Variants in PATJ observed in about 807,000 individuals in gnomAD.
PATJ encodes PATJ crumbs cell polarity complex component, also known as inaD-like protein.
PATJ carries 190 observed loss-of-function variants against 224.9 expected under a neutral mutation model. That is an observed-to-expected ratio of 0.84 (90% CI 0.75 to 0.95). PATJ has a LOEUF of 0.95. PATJ is among the 40% of genes least tolerant of loss of function. PATJ has a pLI of 0.00. For synonymous variants in PATJ, 769 were observed against 820.3 expected, an observed-to-expected ratio of 0.94 and a Z score of 1.07; for missense variants, 2,121 against 2,270.3, an observed-to-expected ratio of 0.93 and a Z score of 1.34.
chr1:61,964,261 T>C (rs1285306025), intron 27 of PATJ, among the ~76,000 whole-genome samples: 2 of 151,798 alleles, frequency 1.3e-5, no homozygotes. Flanking sequence ...TTTGTATTTT[T>C]AGTAGAGACA....
intron 30 of PATJ, among the ~76,000 whole-genome samples, chr1:62,043,638 AT>A (rs1177312113): frequency 1.3e-5 from 2 of 151,718 alleles, no homozygotes; most frequent in Non-Finnish European, 2.9e-5. Flanking sequence ...ACAAAACAGG[AT>A]TTTTTTTCCT....
At chr1:61,775,560 G>A (rs552275765) in intron 7 of PATJ, among the ~76,000 whole-genome samples, 2 of 152,254 alleles carry the variant, frequency 1.3e-5, no homozygotes, top group East Asian at 3.9e-4. Context: ...ATAATTGACA[G>A]GCTTCATGAT....
chr1:61,980,437 T>G (rs1571628892), intron 27 of PATJ, among the ~76,000 whole-genome samples: 1 of 129,738 alleles, frequency 7.7e-6, no homozygotes, highest in African/African-American at 3.0e-5. Context: ...CTTATATAAT[T>G]TGTGTGTGTG....
chr1:62,114,463 G>T, intron 35 of PATJ: 1 of 510,740 alleles, frequency 2.0e-6, no homozygotes. Context: ...AATCCAGACT[G>T]ATATATTTCT....
chr1:61,762,870 G>A lies in PATJ; in HGVS notation c.-23G>A, dbSNP rs1006080992. 2.0e-6 allele frequency: 3 copies of A among 1,495,358 alleles called. No individual in the cohort carries two copies. The highest frequency in any genetic ancestry group is 2.8e-6 in the Non-Finnish European group (3 of 1,090,192). 92.6% of individuals were successfully genotyped at this position (1,495,358 alleles called of 1,614,324 possible). A position where few individuals can be genotyped will look rare whatever the true frequency, so the allele number is the denominator to read the frequency against. On this transcript the variant is annotated 5_prime_UTR_variant, in exon 2 of 44. In the 5' UTR this introduces an upstream ATG that the reference lacks. Coordinates refer to ENST00000642238, the MANE Select transcript of PATJ (RefSeq NM_001350145.3). ...ATTTTTTCTTTAGGTGTCTTTAAGA[G>A]TGATTGAAGAGAATAATTCAAAATG...
At chr1:61,811,636 T>C (rs531000353) in intron 14 of PATJ, among the ~76,000 whole-genome samples, 4 of 150,960 alleles carry the variant, frequency 2.6e-5, no homozygotes, top group African/African-American at 7.3e-5. Flanking sequence ...TCTAGTTTAC[T>C]AAATTTCCTG....
Position 62,047,841 on chromosome 1 carries a change from A to T in PATJ, c.4033-3125A>T, listed in dbSNP as rs542841231. On this transcript the variant is annotated intron_variant, in intron 30 of 43. Coordinates refer to ENST00000642238, the MANE Select transcript of PATJ (RefSeq NM_001350145.3). ...TGATTATCCAAAATTCACTGAGAAG[A>T]GGATGTTCTATCTAATACAATTTTC... 2.6e-5 allele frequency among the ~76,000 whole-genome samples: 4 copies of T among 152,310 alleles called. No individual in the cohort carries two copies. In the South Asian group the frequency reaches 8.3e-4, roughly 32 times the overall value.
intron 17 of PATJ, among the ~76,000 whole-genome samples, chr1:61,841,851 A>G (rs1422506785): frequency 6.6e-6 from 1 of 152,170 alleles, no homozygotes; most frequent in African/African-American, 2.4e-5. Context: ...TTAACATCAA[A>G]GTACTGTAAG....
At chr1:62,024,339 T>A (rs1647350525) in intron 29 of PATJ, among the ~76,000 whole-genome samples, 1 of 152,146 alleles carries the variant, frequency 6.6e-6, no homozygotes, top group Admixed American at 6.6e-5. Flanking sequence ...AGGGCTTTTT[T>A]TGGTTGGCAG....
rs372521064 is a variant in PATJ, at chr1:62,136,283, C to A, written c.5271+7338C>A. Among the ~76,000 whole-genome samples the A allele has an allele frequency of 6.2e-4, 94 of 151,680 alleles. 1 individual carries two copies. Among genetic ancestry groups the A allele is most frequent in the African/African-American group, 2.3e-3 (94 of 41,334 alleles). On this transcript the variant is annotated intron_variant, in intron 41 of 43. Coordinates refer to ENST00000642238, the MANE Select transcript of PATJ (RefSeq NM_001350145.3). ...CTGACCTCAAGTGATCCGCCCATCT[C>A]GGCCTCCCAAAGTGCTGGGATTACA...
intron 14 of PATJ, among the ~76,000 whole-genome samples, chr1:61,813,378 T>TAC (rs141533164): frequency 0.01 from 483 of 46,250 alleles, 9 homozygotes; most frequent in East Asian, 0.019. Flanking sequence ...TATATATATA[T>TAC]ACACACACAC....
chr1:62,128,433 C>T (rs1181081330), intron 40 of PATJ: 1 of 276,888 alleles, frequency 3.6e-6, no homozygotes, highest in Non-Finnish European at 6.8e-6. Context: ...AAAGAATCAC[C>T]ATTTTTATGA....
chr1:61,787,069 AC>A (rs1557643086), intron 7 of PATJ, among the ~76,000 whole-genome samples: 1 of 152,166 alleles, frequency 6.6e-6, no homozygotes, highest in East Asian at 1.9e-4. Context: ...TGTGAAACAC[AC>A]CCAAGCTATT....
chr1:61,867,327 A>G (rs1490873038), intron 20 of PATJ, among the ~76,000 whole-genome samples: 1 of 152,232 alleles, frequency 6.6e-6, no homozygotes, highest in South Asian at 2.1e-4. Flanking sequence ...TATTCTGATT[A>G]CTAAATCTAT....
intron 27 of PATJ, among the ~76,000 whole-genome samples, chr1:61,969,053 G>A (rs899489340): frequency 1.3e-5 from 2 of 152,154 alleles, no homozygotes; most frequent in African/African-American, 4.8e-5. Flanking sequence ...GTATGTGACA[G>A]GGTTTTCTTC....
At chr1:61,999,648 A>T (rs901127940) in intron 28 of PATJ, among the ~76,000 whole-genome samples, 1 of 152,094 alleles carries the variant, frequency 6.6e-6, no homozygotes, top group Non-Finnish European at 1.5e-5. Context: ...AGCCTGGGTG[A>T]CAGAGTGAGA....
At chr1:62,121,465 A>C (rs964945892) in intron 38 of PATJ, among the ~76,000 whole-genome samples, 170 bp downstream of exon 38, 3 of 152,110 alleles carry the variant, frequency 2.0e-5, no homozygotes, top group African/African-American at 7.2e-5. Flanking sequence ...GGAAAGCCAT[A>C]GAGATTCCTT....
At chr1:61,864,749 G>A (rs563323337) in intron 20 of PATJ, 116 bp downstream of exon 20, 22 of 870,152 alleles carry the variant, frequency 2.5e-5, no homozygotes, top group Middle Eastern at 2.3e-4. Flanking sequence ...TCCGTAAGTC[G>A]TCACTGTTTA....
intron 27 of PATJ, among the ~76,000 whole-genome samples, chr1:61,974,914 T>G (rs1644045188): frequency 6.6e-6 from 1 of 151,920 alleles, no homozygotes; most frequent in African/African-American, 2.4e-5. Flanking sequence ...AAACTAAGTG[T>G]GATTTCACTG....
Sources: allele counts gnomAD v4.1 joint callset (sites outside exome capture counted in the v4.1 genomes callset), GRCh38; gene constraint gnomAD v4.1.1; transcripts MANE v1.5; gene names NCBI Gene and HGNC (gene_info 2026-07-23, HGNC 2026-07-21).